Variants in BACH1 observed in about 807,000 individuals in gnomAD.
The protein encoded by BACH1 is BTB domain and CNC homolog 1, also known as transcription regulator protein BACH1.
Under a neutral mutation model 52.9 loss-of-function variants are expected in BACH1, and 35 were observed. That is an observed-to-expected ratio of 0.66 (90% CI 0.51 to 0.88). The LOEUF (loss-of-function observed/expected upper bound fraction) is 0.88. Ranked by LOEUF, BACH1 falls within the 40% of genes least tolerant of loss-of-function variation. The probability of loss-of-function intolerance (pLI) is 0.00; values close to 1 mark genes in which losing one functional copy is unlikely to be tolerated. For missense variants in BACH1, 808 were observed against 872.6 expected, an observed-to-expected ratio of 0.93 and a Z score of 0.93; for synonymous variants, 321 against 319.6, an observed-to-expected ratio of 1.00 and a Z score of -0.05.
intron 1 of BACH1, among the ~76,000 whole-genome samples, chr21:29,308,206 T>A (rs895206746): frequency 1.3e-5 from 2 of 152,242 alleles, no homozygotes; most frequent in African/African-American, 2.4e-5. Flanking sequence ...GGTGCAAATC[T>A]GTAGCTTGGA....
rs142400654 is a variant in BACH1, at chr21:29,326,890, G to A, written c.1066G>A (p.Val356Ile). 16 of 1,614,198 alleles carry A rather than the reference G, an allele frequency of 9.9e-6. No homozygotes were observed. The highest frequency in any genetic ancestry group is 1.6e-4 in the Middle Eastern group (1 of 6,062). The change falls in exon 3 of 5, where the codon GTC becomes ATC. Residue 356 changes from valine to isoleucine, a missense_variant. By Grantham distance (29) the Val-to-Ile change is conservative. Coordinates refer to ENST00000286800, the MANE Select transcript of BACH1 (RefSeq NM_001186.4). ...LTEKPLSGTDVQEKTFGESQD... is the reference protein window; with the variant it reads ...LTEKPLSGTDIQEKTFGESQD... ...AGAAAAGCCTTTGTCAGGTACAGAC[G>A]TCCAAGAAAAAACATTTGGTGAAAG...
At position 29,321,534 on chromosome 21, in the gene BACH1, G is replaced by T; in HGVS notation, c.234+20G>T. On this transcript the variant is annotated intron_variant, in intron 2 of 4. Coordinates refer to ENST00000286800, the MANE Select transcript of BACH1 (RefSeq NM_001186.4). ...GAAGAGGTGAGAGATCCATGTTTTT[G>T]GCAATTTTAATCTACTTTTACTTAA... 2 of 1,601,286 alleles carry T rather than the reference G, an allele frequency of 1.2e-6. No homozygotes were observed. The highest frequency in any genetic ancestry group is 2.2e-5 in the South Asian group (2 of 90,446).
intron 2 of BACH1, among the ~76,000 whole-genome samples, chr21:29,357,268 G>A (rs1395273987): frequency 6.6e-6 from 1 of 152,170 alleles, no homozygotes; most frequent in African/African-American, 2.4e-5. Flanking sequence ...CCTGCCCTTC[G>A]TATCCCATTC....
intron 1 of BACH1, chr21:29,305,196 C>A (rs1191702212): frequency 7.0e-6 from 1 of 141,888 alleles, no homozygotes; most frequent in East Asian, 2.0e-4. Flanking sequence ...TTTTTTCTTT[C>A]ACATTAGCAA....
In BACH1 at chr21:29,327,069, G is replaced by A. The variant is rs764002596; in HGVS notation, c.1245G>A (p.Gln415=). Reference sequence around the variant, plus strand: ...GCACGGACACTCCTTGCCAAATGCAGTTATCACCTGCTGTGGCCAAAGATG... The same window carrying A: ...GCACGGACACTCCTTGCCAAATGCAATTATCACCTGCTGTGGCCAAAGATG... ...ICSTDTPCQM[Q]LSPAVAKDGS... The change falls in exon 3 of 5, where the codon CAG becomes CAA. Residue 415 remains glutamine, a synonymous_variant. Transcript: ENST00000286800. 3.1e-6 allele frequency: 5 copies of A among 1,614,110 alleles called. No individual in the cohort carries two copies. In the East Asian group the frequency reaches 8.9e-5, roughly 29 times the overall value.
chr21:29,358,810 G>GAAAGAA (rs1555888597), intron 2 of BACH1, among the ~76,000 whole-genome samples: 61 of 88,788 alleles, frequency 6.9e-4, no homozygotes, highest in African/African-American at 1.5e-3. Flanking sequence ...AAGAAAGAAA[G>GAAAGAA]AAAGAAGAAA....
Position 29,342,378 on chromosome 21 carries a change from TTC to T in BACH1, c.1777-17_1777-16del, listed in dbSNP as rs536055927. 130 of 1,599,938 alleles carry T rather than the reference TTC, an allele frequency of 8.1e-5. No individual in the cohort carries two copies. In the Admixed American group the frequency reaches 1.7e-3, roughly 21 times the overall value. On this transcript the variant is annotated intron_variant, in intron 4 of 4. Coordinates refer to ENST00000286800, the MANE Select transcript of BACH1 (RefSeq NM_001186.4). Reference sequence around the variant, plus strand: ...GAGCTAATAAACACAAGCCATTGTGTTCTCTTTCCCCACTTCACAGCAAAGTG... The same window carrying T: ...GAGCTAATAAACACAAGCCATTGTGTTCTTTCCCCACTTCACAGCAAAGTG...
chr21:29,329,924 T>G (rs2088961374), intron 4 of BACH1, among the ~76,000 whole-genome samples: 1 of 152,210 alleles, frequency 6.6e-6, no homozygotes, highest in South Asian at 2.1e-4. Flanking sequence ...TTAGTGGTTG[T>G]GAATAGATTC....
chr21:29,342,283 A>G, intron 4 of BACH1, 116 bp from the exon 5 acceptor site: 1 of 1,057,038 alleles, frequency 9.5e-7, no homozygotes, highest in Non-Finnish European at 1.4e-6. Context: ...AATTGAAAGG[A>G]TAAACTCCAT....
At chr21:29,354,376 TCA>T (rs1366416117) in intron 2 of BACH1, among the ~76,000 whole-genome samples, 4 of 152,198 alleles carry the variant, frequency 2.6e-5, no homozygotes, top group African/African-American at 2.4e-5. Context: ...GTCCTGTGTT[TCA>T]CAGTTTGTTT....
chr21:29,354,952 A>C (rs1045045450), intron 2 of BACH1, among the ~76,000 whole-genome samples: 1 of 152,172 alleles, frequency 6.6e-6, no homozygotes, highest in Non-Finnish European at 1.5e-5. Flanking sequence ...CTCATAATGG[A>C]GATAAGGAAC....
intron 2 of BACH1, among the ~76,000 whole-genome samples, chr21:29,358,770 A>AAAAGAAAAGAAAGAAAGAAG (rs1409780180): frequency 1.2e-3 from 131 of 108,976 alleles, no homozygotes; most frequent in African/African-American, 4.1e-3. Context: ...AAAAGAAAAG[A>AAAAGAAAAGAAAGAAAGAAG]AAAGAAAGAA....
At chr21:29,303,134 A>C (rs1364641958) in intron 1 of BACH1, among the ~76,000 whole-genome samples, 1 of 152,224 alleles carries the variant, frequency 6.6e-6, no homozygotes, top group Non-Finnish European at 1.5e-5. Context: ...GGAAACATTT[A>C]GAATGTAAAT....
intron 1 of BACH1, among the ~76,000 whole-genome samples, chr21:29,306,710 C>T (rs1040491151): frequency 2.0e-5 from 3 of 152,152 alleles, no homozygotes; most frequent in Non-Finnish European, 2.9e-5. Flanking sequence ...CACCACTACA[C>T]TTAGATACAA....
downstream of BACH1, among the ~76,000 whole-genome samples, chr21:29,348,545 T>C (rs138287925): frequency 2.5e-3 from 381 of 152,290 alleles, 1 homozygote; most frequent in South Asian, 9.5e-3. Context: ...CTAATTTCTA[T>C]TGGAAGGACG....
At chr21:29,340,685 A>G (rs928842963) in intron 4 of BACH1, among the ~76,000 whole-genome samples, 1 of 152,216 alleles carries the variant, frequency 6.6e-6, no homozygotes, top group African/African-American at 2.4e-5. Flanking sequence ...GAATATTGCC[A>G]TGAGTGAAGA....
intron 4 of BACH1, among the ~76,000 whole-genome samples, chr21:29,337,870 G>A (rs763328704): frequency 3.5e-4 from 53 of 152,004 alleles, no homozygotes; most frequent in African/African-American, 1.2e-3. Flanking sequence ...TGGAGGTTGC[G>A]GTGAGCTGAG....
chr21:29,333,345 G>A (rs1290012287), intron 4 of BACH1, among the ~76,000 whole-genome samples: 1 of 152,162 alleles, frequency 6.6e-6, no homozygotes, highest in Non-Finnish European at 1.5e-5. Flanking sequence ...TTGAGAAAGA[G>A]GAAGGAATGT....
At chr21:29,307,796 T>C (rs1193460306) in intron 1 of BACH1, among the ~76,000 whole-genome samples, 1 of 152,250 alleles carries the variant, frequency 6.6e-6, no homozygotes, top group Non-Finnish European at 1.5e-5. Context: ...AAAGCACTTT[T>C]GTATTTCATT....
Sources: allele counts gnomAD v4.1 joint callset (sites outside exome capture counted in the v4.1 genomes callset), GRCh38; gene constraint gnomAD v4.1.1; transcripts MANE v1.5; gene names NCBI Gene and HGNC (gene_info 2026-07-23, HGNC 2026-07-21).